The following CERS6 variants were observed in gnomAD, a reference collection of about 807,000 sequenced individuals.
CERS6 encodes the protein LAG1 homolog, ceramide synthase 6.
A neutral mutation model predicts 56.8 loss-of-function variants in CERS6; 26 were observed. That is an observed-to-expected ratio of 0.46 (90% CI 0.34 to 0.63). CERS6 has a LOEUF of 0.63. CERS6 is among the 30% of genes least tolerant of loss of function. The pLI is 0.01. For synonymous variants in CERS6, 164 were observed against 173.3 expected (o/e 0.95, Z 0.42); for missense variants, 415 against 467.5 (o/e 0.89, Z 1.04).
intron 1 of CERS6, among the ~76,000 whole-genome samples, chr2:168,501,205 C>T (rs1028809024): frequency 3.3e-5 from 5 of 152,034 alleles, no homozygotes; most frequent in Non-Finnish European, 5.9e-5. Flanking sequence ...GTGTTAGATA[C>T]CAGCATCAAT....
In CERS6 at chr2:168,755,835, CT is replaced by C. The variant is rs1684401412; in HGVS notation, c.846-9754del. Among the ~76,000 whole-genome samples the C allele has an allele frequency of 2.6e-5, 4 of 152,318 alleles. No individual in the cohort carries two copies. The South Asian group carries it at 8.3e-4, about 32-fold the overall frequency. ...TTATCAGAATGACCAAGATTTTCTA[CT>C]TTAACTGAGTTAATTGATTAGACCC... On this transcript the variant is annotated intron_variant, in intron 8 of 9. Coordinates refer to ENST00000305747, the MANE Select transcript of CERS6 (RefSeq NM_203463.3).
At chr2:168,599,155 A>G (rs972549041) in intron 3 of CERS6, among the ~76,000 whole-genome samples, 1 of 152,166 alleles carries the variant, frequency 6.6e-6, no homozygotes, top group Non-Finnish European at 1.5e-5. Flanking sequence ...GGTTAAGCAA[A>G]TTGACTCAGG....
chr2:168,700,226 C>T (rs1040989583), intron 6 of CERS6, among the ~76,000 whole-genome samples: 16 of 152,320 alleles, frequency 1.1e-4, no homozygotes, highest in Admixed American at 6.5e-4. Flanking sequence ...ATAACTGGAG[C>T]CCATTACTGT....
chr2:168,695,353 TTAAA>T (rs778372694), intron 6 of CERS6, among the ~76,000 whole-genome samples: 4 of 152,170 alleles, frequency 2.6e-5, no homozygotes, highest in Admixed American at 6.5e-5. Flanking sequence ...GTTCTCCAAA[TTAAA>T]TAAAAAGCAA....
intron 1 of CERS6, among the ~76,000 whole-genome samples, chr2:168,546,778 C>G (rs899014160): frequency 6.6e-6 from 1 of 152,114 alleles, no homozygotes; most frequent in South Asian, 2.1e-4. Context: ...ATTTCTTGAG[C>G]ATTTAGTCTA....
intron 8 of CERS6, among the ~76,000 whole-genome samples, chr2:168,749,724 A>G (rs1239882904): frequency 6.6e-6 from 1 of 152,084 alleles, no homozygotes; most frequent in Non-Finnish European, 1.5e-5. Context: ...CTTTCTGGAA[A>G]CTCACCTGAT....
At chr2:168,668,607 C>T (rs1298118781) in intron 4 of CERS6, among the ~76,000 whole-genome samples, 2 of 151,888 alleles carry the variant, frequency 1.3e-5, no homozygotes, top group African/African-American at 2.4e-5. Flanking sequence ...CCACCGTGCC[C>T]AGCCAATTAT....
chr2:168,543,050 C>T (rs904026517), intron 1 of CERS6, among the ~76,000 whole-genome samples: 1 of 152,170 alleles, frequency 6.6e-6, no homozygotes, highest in African/African-American at 2.4e-5. Context: ...TGCTTTCTTC[C>T]GTACTTTGTG....
chr2:168,724,251 C>T (rs992871731), intron 8 of CERS6, among the ~76,000 whole-genome samples: 2 of 150,768 alleles, frequency 1.3e-5, no homozygotes, highest in Non-Finnish European at 3.0e-5. Flanking sequence ...TCATTCCTCC[C>T]GGTGGGCTCG....
chr2:168,582,304 C>T (rs1288581012), intron 3 of CERS6, among the ~76,000 whole-genome samples: 1 of 152,152 alleles, frequency 6.6e-6, no homozygotes, highest in Non-Finnish European at 1.5e-5. Flanking sequence ...AACAGAAACC[C>T]AGATTAACTC....
At chr2:168,652,187 A>C (rs532869229) in intron 4 of CERS6, among the ~76,000 whole-genome samples, 7 of 152,216 alleles carry the variant, frequency 4.6e-5, no homozygotes, top group Admixed American at 1.3e-4. Context: ...CAACGAAATC[A>C]GTCATTAGGG....
intron 1 of CERS6, among the ~76,000 whole-genome samples, chr2:168,493,246 C>G (rs887043091): frequency 6.6e-6 from 1 of 152,042 alleles, no homozygotes; most frequent in African/African-American, 2.4e-5. Flanking sequence ...CTTCTCAGAT[C>G]CACCTTATCT....
intron 6 of CERS6, among the ~76,000 whole-genome samples, chr2:168,702,014 GTCTATACAT>G: frequency 6.6e-6 from 1 of 151,926 alleles, no homozygotes; most frequent in East Asian, 1.9e-4. Flanking sequence ...CAAGAAAAAA[GTCTATACAT>G]TCTATACATG....
chr2:168,712,521 C>G (rs1415059389), intron 6 of CERS6, among the ~76,000 whole-genome samples: 1 of 152,080 alleles, frequency 6.6e-6, no homozygotes, highest in African/African-American at 2.4e-5. Flanking sequence ...TATTCTTGAC[C>G]CTTAACCTCC....
chr2:168,565,495 T>C (rs977203869), intron 3 of CERS6, among the ~76,000 whole-genome samples: 4 of 152,128 alleles, frequency 2.6e-5, no homozygotes, highest in Non-Finnish European at 5.9e-5. Flanking sequence ...TGCCTGAGGG[T>C]CAAAATGTAA....
At chr2:168,698,761 A>T (rs1413238222) in intron 6 of CERS6, among the ~76,000 whole-genome samples, 2 of 152,224 alleles carry the variant, frequency 1.3e-5, no homozygotes, top group Non-Finnish European at 2.9e-5. Context: ...ACTTTAACAT[A>T]TATAACATCA....
intron 4 of CERS6, among the ~76,000 whole-genome samples, chr2:168,670,546 T>A (rs1490446470): frequency 6.6e-6 from 1 of 152,250 alleles, no homozygotes; most frequent in Non-Finnish European, 1.5e-5. Flanking sequence ...TCTTCTCTTA[T>A]TCATGCCTTC....
chr2:168,578,910 T>C (rs1426906771), intron 3 of CERS6, among the ~76,000 whole-genome samples: 2 of 152,204 alleles, frequency 1.3e-5, no homozygotes, highest in Non-Finnish European at 2.9e-5. Context: ...TTACAAGATA[T>C]GATTTCATGG....
In CERS6 at chr2:168,584,824, G is replaced by A. The variant is rs373613197; in HGVS notation, c.407+23502G>A. Among the ~76,000 whole-genome samples, 7 of 152,154 alleles carry A rather than the reference G, an allele frequency of 4.6e-5. No individual in the cohort carries two copies. In the East Asian group the frequency reaches 7.7e-4, roughly 17 times the overall value. Reference sequence around the variant, plus strand: ...CAAGAAATTGTGGGGTTTTTTGTTTGTTTTTTGTTTTATGACACAAAGTAG... The same window carrying A: ...CAAGAAATTGTGGGGTTTTTTGTTTATTTTTTGTTTTATGACACAAAGTAG... On this transcript the variant is annotated intron_variant, in intron 3 of 9. Transcript: ENST00000305747.
Sources: gnomAD v4.1 joint callset for allele counts (sites outside exome capture counted in the v4.1 genomes callset) on GRCh38, gnomAD v4.1.1 for gene constraint, MANE v1.5 for transcripts, NCBI Gene and HGNC (gene_info 2026-07-23, HGNC 2026-07-21) for gene names.